NRG1: variants seen among roughly 807,000 people sequenced by gnomAD.
NRG1 encodes the protein neuregulin 1, also known as pro-neuregulin-1, membrane-bound isoform.
In NRG1, 18 loss-of-function variants were observed where a neutral mutation model predicts 63.8. The observed-to-expected ratio is 0.28, with a 90% CI of 0.19 to 0.42. The LOEUF (loss-of-function observed/expected upper bound fraction) is 0.42, where lower values mean the gene tolerates loss of function less well. Among genes scored for constraint, NRG1 ranks in the 10% least tolerant of loss-of-function variants. NRG1 has a pLI of 1.00. For missense variants in NRG1, 762 were observed against 814.7 expected (o/e 0.94, Z 0.79); for synonymous variants, 302 against 301.3 (o/e 1.00, Z -0.02).
intron 9 of NRG1, among the ~76,000 whole-genome samples, chr8:32,758,498 A>AC (rs1830066047): frequency 1.5e-5 from 2 of 135,160 alleles, no homozygotes; most frequent in Admixed American, 1.7e-4. Context: ...AATTGCTTGA[A>AC]CCGGGAGGTG....
intron 1 of NRG1, among the ~76,000 whole-genome samples, chr8:31,749,584 T>C (rs1022707697): frequency 6.6e-6 from 1 of 151,872 alleles, no homozygotes; most frequent in Non-Finnish European, 1.5e-5. Context: ...TCTTTCTTAA[T>C]TCAATTTTTT....
chr8:32,566,932 C>T (rs890148894), intron 1 of NRG1, among the ~76,000 whole-genome samples: 4 of 152,254 alleles, frequency 2.6e-5, no homozygotes, highest in Admixed American at 2.0e-4. Flanking sequence ...CAGCTCACTA[C>T]AACCTCCACA....
intron 1 of NRG1, among the ~76,000 whole-genome samples, chr8:32,100,492 C>A (rs747731852): frequency 2.6e-5 from 4 of 151,824 alleles, no homozygotes; most frequent in African/African-American, 9.7e-5. Flanking sequence ...CTCCAGACCC[C>A]GTGGTCTTCT....
At chr8:32,039,887 G>A (rs1342690171) in intron 1 of NRG1, among the ~76,000 whole-genome samples, 1 of 152,034 alleles carries the variant, frequency 6.6e-6, no homozygotes, top group Non-Finnish European at 1.5e-5. Flanking sequence ...AGCCGGAAAT[G>A]GTGGTGTGTG....
chr8:31,856,432 C>A (rs1045006409), intron 1 of NRG1, among the ~76,000 whole-genome samples: 2 of 152,202 alleles, frequency 1.3e-5, no homozygotes, highest in African/African-American at 4.8e-5. Context: ...GCATTCTTCA[C>A]GTAGTTCTCG....
At chr8:32,556,387 A>G (rs1289261911) in intron 1 of NRG1, among the ~76,000 whole-genome samples, 1 of 152,198 alleles carries the variant, frequency 6.6e-6, no homozygotes, top group African/African-American at 2.4e-5. Context: ...AGAATGACAG[A>G]GCAACTAGCA....
intron 1 of NRG1, among the ~76,000 whole-genome samples, chr8:32,553,522 T>A (rs979540937): frequency 2.2e-4 from 33 of 152,220 alleles, no homozygotes; most frequent in Non-Finnish European, 4.9e-4. Flanking sequence ...CTGAACTCAA[T>A]CTAAATATTG....
At chr8:31,847,541 A>G (rs1405203252) in intron 1 of NRG1, among the ~76,000 whole-genome samples, 1 of 152,234 alleles carries the variant, frequency 6.6e-6, no homozygotes, top group Admixed American at 6.5e-5. Context: ...GAGCAATAAA[A>G]GAAATGTTTT....
intron 1 of NRG1, among the ~76,000 whole-genome samples, chr8:32,024,980 A>G (rs1277506535): frequency 6.6e-6 from 1 of 152,248 alleles, no homozygotes; most frequent in Non-Finnish European, 1.5e-5. Flanking sequence ...ACATACAAAT[A>G]AAATTTCTAG....
intron 1 of NRG1, among the ~76,000 whole-genome samples, chr8:31,871,174 A>G (rs1473427807): frequency 6.6e-6 from 1 of 151,982 alleles, no homozygotes; most frequent in Admixed American, 6.6e-5. Flanking sequence ...ATGGGGTTTC[A>G]CCCTGATGGC....
chr8:32,751,674 T>G (rs565738605), intron 7 of NRG1, among the ~76,000 whole-genome samples: 1 of 152,316 alleles, frequency 6.6e-6, no homozygotes, highest in South Asian at 2.1e-4. Flanking sequence ...CACGTCTGTA[T>G]TCTATGGGCC....
chr8:31,984,193 T>A (rs1809644423), intron 1 of NRG1, among the ~76,000 whole-genome samples: 1 of 152,112 alleles, frequency 6.6e-6, no homozygotes. Flanking sequence ...TGGTAAAATA[T>A]AGAATAGGAA....
intron 5 of NRG1, among the ~76,000 whole-genome samples, chr8:32,656,665 A>G (rs1589022348): frequency 1.3e-5 from 2 of 152,198 alleles, no homozygotes; most frequent in East Asian, 3.8e-4. Context: ...TCACTCAAGT[A>G]TAATACCTTT....
At chr8:32,207,396 A>T (rs536431161) in intron 1 of NRG1, among the ~76,000 whole-genome samples, 44 of 152,218 alleles carry the variant, frequency 2.9e-4, no homozygotes, top group Admixed American at 5.9e-4. Flanking sequence ...CAGATTTTAG[A>T]TATTTGAGTG....
intron 5 of NRG1, among the ~76,000 whole-genome samples, chr8:32,677,273 T>G (rs1302335423): frequency 6.6e-6 from 1 of 152,232 alleles, no homozygotes; most frequent in Non-Finnish European, 1.5e-5. Context: ...CAGATAATTT[T>G]AGGAAATTGG....
chr8:32,611,302 T>C (rs1324609025), intron 3 of NRG1, among the ~76,000 whole-genome samples: 1 of 152,110 alleles, frequency 6.6e-6, no homozygotes, highest in East Asian at 1.9e-4. Context: ...AAATTATCAA[T>C]TGCAGCTTTT....
intron 1 of NRG1, among the ~76,000 whole-genome samples, chr8:31,785,650 C>T (rs1367722390): frequency 6.6e-6 from 1 of 152,184 alleles, no homozygotes; most frequent in Non-Finnish European, 1.5e-5. Flanking sequence ...CTTCATTTAA[C>T]TTCATTCAGA....
intron 1 of NRG1, among the ~76,000 whole-genome samples, chr8:32,492,680 G>A (rs1826739510): frequency 6.6e-6 from 1 of 152,044 alleles, no homozygotes; most frequent in African/African-American, 2.4e-5. Flanking sequence ...AATGAATCTT[G>A]TTTTCCGTCC....
chr8:32,339,370 A>G (rs1368623135), intron 1 of NRG1, among the ~76,000 whole-genome samples: 1 of 152,194 alleles, frequency 6.6e-6, no homozygotes, highest in Non-Finnish European at 1.5e-5. Flanking sequence ...CTTGAAGTAG[A>G]GTTAATAACT....
Sources: gnomAD v4.1 joint callset for allele counts (sites outside exome capture counted in the v4.1 genomes callset) on GRCh38, gnomAD v4.1.1 for gene constraint, MANE v1.5 for transcripts, NCBI Gene and HGNC (gene_info 2026-07-23, HGNC 2026-07-21) for gene names.